Variants in TENM3 observed in about 807,000 individuals in gnomAD.
The protein encoded by TENM3 is teneurin transmembrane protein 3, also known as teneurin-3.
In TENM3, 63 loss-of-function variants were observed where a neutral mutation model predicts 255.1. The ratio of observed to expected loss-of-function variants is 0.25; its 90% CI spans 0.20 to 0.30. The LOEUF is 0.30. Ranked by LOEUF, TENM3 falls within the 10% of genes least tolerant of loss-of-function variation. The probability of loss-of-function intolerance (pLI) is 1.00; values close to 1 mark genes in which losing one functional copy is unlikely to be tolerated. For synonymous variants in TENM3, 1,306 were observed against 1,322.3 expected (o/e 0.99, Z 0.27); for missense variants, 2,929 against 3,461.1 (o/e 0.85, Z 3.86).
the TENM3 span, among the ~76,000 whole-genome samples, chr4:181,518,831 C>A: frequency 6.6e-6 from 1 of 152,118 alleles, no homozygotes; most frequent in African/African-American, 2.4e-5. Flanking sequence ...TGACAGAGTT[C>A]TGTGGATCCA....
intron 6 of TENM3, among the ~76,000 whole-genome samples, chr4:182,661,606 T>G (rs1221146235): frequency 1.3e-5 from 2 of 152,212 alleles, no homozygotes; most frequent in Admixed American, 6.5e-5. Context: ...TAGCTTGTGA[T>G]GTAACACTCT....
intron 2 of TENM3, among the ~76,000 whole-genome samples, chr4:182,342,763 G>C (rs1764565205): frequency 6.6e-6 from 1 of 152,072 alleles, no homozygotes; most frequent in South Asian, 2.1e-4. Flanking sequence ...TTCCCCGTGG[G>C]GTGCTTTCGT....
At chr4:182,104,226 T>G in the TENM3 span, among the ~76,000 whole-genome samples, 1 of 152,192 alleles carries the variant, frequency 6.6e-6, no homozygotes, top group Admixed American at 6.5e-5. Context: ...AGGGCACCTC[T>G]GGCCTGAATC....
chr4:182,323,977 A>C lies in TENM3; in HGVS notation c.-44A>C. On this transcript the variant is annotated 5_prime_UTR_variant, in exon 2 of 28. Coordinates refer to ENST00000511685, the MANE Select transcript of TENM3 (RefSeq NM_001080477.4). ...CAATGAGACTTGAACCCTGAGCCTA[A>C]GTTGTCACCAGCAGGACTGATGTGC... 6.4e-7 allele frequency: 1 copy of C among 1,555,548 alleles called. No homozygotes were observed. The highest frequency in any genetic ancestry group is 8.8e-7 in the Non-Finnish European group (1 of 1,136,374).
the TENM3 span, among the ~76,000 whole-genome samples, chr4:181,810,394 A>G: frequency 1.3e-5 from 2 of 152,232 alleles, no homozygotes; most frequent in South Asian, 4.2e-4. Context: ...GTAAATAATG[A>G]ACGAATCTGA....
At chr4:182,365,919 C>A (rs989089500) in intron 3 of TENM3, among the ~76,000 whole-genome samples, 1 of 152,054 alleles carries the variant, frequency 6.6e-6, no homozygotes, top group Non-Finnish European at 1.5e-5. Flanking sequence ...ATACCGCAGG[C>A]ATTCATAACA....
the TENM3 span, among the ~76,000 whole-genome samples, chr4:181,619,295 A>T: frequency 6.6e-6 from 1 of 152,116 alleles, no homozygotes; most frequent in African/African-American, 2.4e-5. Context: ...CCCTTTATTA[A>T]AGCCTTCTGT....
At position 182,705,477 on chromosome 4, in the gene TENM3, C is replaced by T. The variant is rs1316319359; in HGVS notation, c.2222-8610C>T. On this transcript the variant is annotated intron_variant, in intron 12 of 27. Coordinates refer to ENST00000511685, the MANE Select transcript of TENM3 (RefSeq NM_001080477.4). Reference sequence around the variant, plus strand: ...TACGGTACTATTTAATATGCCTCCACCAAGCGCATTGTTGACAGCGGAAAC... The same window carrying T: ...TACGGTACTATTTAATATGCCTCCATCAAGCGCATTGTTGACAGCGGAAAC... Among the ~76,000 whole-genome samples, 6 of 152,206 alleles carry T rather than the reference C, an allele frequency of 3.9e-5. No homozygotes were observed. In the East Asian group the frequency reaches 1.2e-3, roughly 29 times the overall value.
the TENM3 span, among the ~76,000 whole-genome samples, chr4:182,073,996 T>A: frequency 6.6e-6 from 1 of 152,166 alleles, no homozygotes; most frequent in Non-Finnish European, 1.5e-5. Flanking sequence ...AGGATAAGAT[T>A]TTCCTCTGAA....
In TENM3 at chr4:182,786,918, C is replaced by T. The variant is rs1361209274; in HGVS notation, c.5305-2175C>T. The stretch of plus-strand genomic sequence containing the variant: ...AACACAATCACAGGCGCTCAAGAGC[C>T]CTAAGAAAACCATTTAAATTGTGCA... On this transcript the variant is annotated intron_variant, in intron 24 of 27. Transcript: ENST00000511685. 3.9e-5 allele frequency among the ~76,000 whole-genome samples: 6 copies of T among 152,136 alleles called. No individual in the cohort carries two copies. The South Asian group carries it at 1.2e-3, about 32-fold the overall frequency.
At chr4:182,517,724 G>A (rs1230552925) in intron 3 of TENM3, among the ~76,000 whole-genome samples, 1 of 152,156 alleles carries the variant, frequency 6.6e-6, no homozygotes, top group African/African-American at 2.4e-5. Context: ...AGTCAACATA[G>A]TATGGTTCTA....
intron 1 of TENM3, among the ~76,000 whole-genome samples, chr4:182,197,109 A>G (rs957012751): frequency 6.6e-6 from 1 of 152,216 alleles, no homozygotes; most frequent in Non-Finnish European, 1.5e-5. Context: ...TACTGATGAC[A>G]TTATTTGTTA....
chr4:181,548,777 T>C, the TENM3 span, among the ~76,000 whole-genome samples: 5 of 152,184 alleles, frequency 3.3e-5, no homozygotes, highest in East Asian at 9.6e-4. Flanking sequence ...AGAGACGCCA[T>C]TGGAGCAAGT....
At chr4:181,495,556 C>CGAGAGA in the TENM3 span, among the ~76,000 whole-genome samples, 1 of 148,672 alleles carries the variant, frequency 6.7e-6, no homozygotes. Context: ...TTAGTATACA[C>CGAGAGA]GAGAGAGAGA....
chr4:182,800,583 A>C lies in TENM3; in HGVS notation c.*232A>C. 2.2e-6 allele frequency: 1 copy of C among 449,830 alleles called. No individual in the cohort carries two copies. Among genetic ancestry groups the C allele is most frequent in the Non-Finnish European group, 3.9e-6 (1 of 259,418 alleles). The allele number at this position is 449,830 out of a possible 1,614,324, so 27.9% of individuals were successfully genotyped here. A position where few individuals can be genotyped will look rare whatever the true frequency, so the allele number is the denominator to read the frequency against. On this transcript the variant is annotated 3_prime_UTR_variant, in exon 28 of 28. Transcript: ENST00000511685. ...CATAGCGCTGCACTCAGTCGGACTG[A>C]ACGTAGCCAGAGGAAAAAAAAATCA...
the TENM3 span, among the ~76,000 whole-genome samples, chr4:181,509,159 T>G: frequency 6.6e-6 from 1 of 152,144 alleles, no homozygotes; most frequent in African/African-American, 2.4e-5. Context: ...AGGTGTAAAC[T>G]GAAAGGCAAT....
At chr4:182,086,351 G>A in the TENM3 span, among the ~76,000 whole-genome samples, 2 of 152,040 alleles carry the variant, frequency 1.3e-5, no homozygotes, top group Non-Finnish European at 2.9e-5. Context: ...CCACACCCGA[G>A]TACTAACATC....
chr4:182,016,933 AT>A, the TENM3 span, among the ~76,000 whole-genome samples: 1 of 152,252 alleles, frequency 6.6e-6, no homozygotes, highest in Non-Finnish European at 1.5e-5. Context: ...AAAAGAGCAC[AT>A]AATTTGGGCT....
At chr4:181,887,721 T>C in the TENM3 span, among the ~76,000 whole-genome samples, 2 of 152,210 alleles carry the variant, frequency 1.3e-5, no homozygotes, top group African/African-American at 4.8e-5. Flanking sequence ...CCAGGATACA[T>C]TGGATAATTG....
Sources: allele counts gnomAD v4.1 joint callset (sites outside exome capture counted in the v4.1 genomes callset), GRCh38; gene constraint gnomAD v4.1.1; transcripts MANE v1.5; gene names NCBI Gene and HGNC (gene_info 2026-07-23, HGNC 2026-07-21).